ARID1B: variants seen among roughly 807,000 people sequenced by gnomAD.
The protein encoded by ARID1B is AT-rich interaction domain 1B.
ARID1B carries 30 observed loss-of-function variants against 212.3 expected under a neutral mutation model. That is an observed-to-expected ratio of 0.14 (90% CI 0.11 to 0.19). The LOEUF is 0.19. Among genes scored for constraint, ARID1B ranks in the 10% least tolerant of loss-of-function variants. ARID1B has a pLI of 1.00. For missense variants in ARID1B, 2,891 were observed against 3,204.0 expected (o/e 0.90, Z 2.36); for synonymous variants, 1,402 against 1,301.7 (o/e 1.08, Z -1.66).
Position 156,864,230 on chromosome 6 carries a change from C to A in ARID1B, c.1986+34809C>A, listed in dbSNP as rs546807566. ...AGGGTATACTGGGAATTGTAGTTTT[C>A]CACTTCTTTGTATTCTGAAGATTAA... On this transcript the variant is annotated intron_variant, in intron 2 of 19. Transcript: ENST00000636930. Among the ~76,000 whole-genome samples, 5 of 152,212 alleles carry A rather than the reference C, an allele frequency of 3.3e-5. No individual in the cohort carries two copies. In the East Asian group the frequency reaches 9.7e-4, roughly 29 times the overall value.
intron 4 of ARID1B, among the ~76,000 whole-genome samples, chr6:157,018,519 AT>A (rs1393001993): frequency 1.3e-5 from 2 of 152,010 alleles, no homozygotes; most frequent in Non-Finnish European, 2.9e-5. Flanking sequence ...CGGCATAACT[AT>A]TTCCTTTTTA....
At chr6:157,064,763 C>G (rs957083016) in intron 4 of ARID1B, among the ~76,000 whole-genome samples, 2 of 152,306 alleles carry the variant, frequency 1.3e-5, no homozygotes, top group East Asian at 3.9e-4. Flanking sequence ...CCCCAGGCTC[C>G]GGCCTCTGCC....
intron 8 of ARID1B, among the ~76,000 whole-genome samples, chr6:157,153,926 C>CTGTAAA (rs1316312603): frequency 6.6e-6 from 1 of 152,138 alleles, no homozygotes; most frequent in Non-Finnish European, 1.5e-5. Context: ...AGGCGTGAGC[C>CTGTAAA]ACCACTCCTG....
At chr6:156,903,691 T>C (rs62434276) in intron 3 of ARID1B, among the ~76,000 whole-genome samples, 7,655 of 152,314 alleles carry the variant, frequency 0.05, 236 homozygotes, top group Middle Eastern at 0.12. Flanking sequence ...ATTAAAGTAT[T>C]ATCAAAATCA....
chr6:156,838,732 T>TAATAATAATAATAATAATAAA (rs1229798384), intron 2 of ARID1B, among the ~76,000 whole-genome samples: 3 of 149,244 alleles, frequency 2.0e-5, no homozygotes, highest in East Asian at 2.0e-4. Flanking sequence ...ATAATAATAA[T>TAATAATAATAATAATAATAAA]AAACAAAAAA....
At chr6:156,846,381 G>A (rs1335003655) in intron 2 of ARID1B, among the ~76,000 whole-genome samples, 1 of 151,024 alleles carries the variant, frequency 6.6e-6, no homozygotes, top group African/African-American at 2.4e-5. Flanking sequence ...TGGCCAGGCT[G>A]GTCTCAAACT....
intron 16 of ARID1B, among the ~76,000 whole-genome samples, chr6:157,196,703 CCCTT>C (rs2128359516): frequency 6.6e-6 from 1 of 152,326 alleles, no homozygotes; most frequent in East Asian, 1.9e-4. Context: ...TCCCCTCCCT[CCCTT>C]CTTTCTGTCT....
At chr6:157,004,981 C>T (rs767789966) in intron 4 of ARID1B, among the ~76,000 whole-genome samples, 2 of 135,598 alleles carry the variant, frequency 1.5e-5, no homozygotes, top group Non-Finnish European at 3.1e-5. Context: ...GGCGTAATCC[C>T]GACTCACTGC....
rs971809065 is a variant in ARID1B, at chr6:157,200,455, C to CT, written c.4480-240dup. 2.4e-4 allele frequency among the ~76,000 whole-genome samples: 35 copies of CT among 148,132 alleles called. No homozygotes were observed. The highest frequency in any genetic ancestry group is 5.7e-4 in the African/African-American group (23 of 40,426). On this transcript the variant is annotated intron_variant, in intron 17 of 19. Coordinates refer to ENST00000636930, the MANE Select transcript of ARID1B (RefSeq NM_001374828.1). This position sits in a 1 kb window ranked among gnomAD's most constrained non-coding sequence, Gnocchi z 4.3. ...GGTGGCACAGCCTAAGGAGAGGAGG[C>CT]TTTTTTTTTTCCACAGGAAGTTTCA... is the stretch of plus-strand genomic sequence containing the variant.
At chr6:156,829,594 G>A in intron 2 of ARID1B, 173 bp downstream of exon 2, 1 of 751,528 alleles carries the variant, frequency 1.3e-6, no homozygotes. Context: ...TTTAAAGATG[G>A]AAAGGTGAGC....
At chr6:157,035,082 G>A (rs1347768161) in intron 4 of ARID1B, among the ~76,000 whole-genome samples, 2 of 152,072 alleles carry the variant, frequency 1.3e-5, no homozygotes, top group Non-Finnish European at 2.9e-5. Context: ...AATTTCACAC[G>A]AAAGCTTTGA....
chr6:156,880,739 CAAAAAAAA>C (rs141153792), intron 2 of ARID1B, among the ~76,000 whole-genome samples: 5 of 86,994 alleles, frequency 5.7e-5, no homozygotes, highest in Non-Finnish European at 1.0e-4. Flanking sequence ...GACTCTGTCT[CAAAAAAAA>C]AAAAAAAAAA....
At chr6:157,064,364 C>T (rs916160724) in intron 4 of ARID1B, among the ~76,000 whole-genome samples, 4 of 152,166 alleles carry the variant, frequency 2.6e-5, no homozygotes, top group South Asian at 2.1e-4. Context: ...CTCCAGAACG[C>T]ATGTTTAGCT....
intron 1 of ARID1B, among the ~76,000 whole-genome samples, chr6:156,789,351 C>T (rs899263865): frequency 2.0e-5 from 3 of 152,100 alleles, no homozygotes; most frequent in South Asian, 2.1e-4. Context: ...GAACTGTGTG[C>T]GTCAGGGCTT....
rs1343214890 is a variant in ARID1B, at chr6:157,209,038, A to G, written c.*1147A>G. The G allele has an allele frequency of 4.3e-6, 1 of 230,238 alleles. No individual in the cohort carries two copies. The highest frequency in any genetic ancestry group is 6.2e-5 in the East Asian group (1 of 16,138). 14.3% of individuals were successfully genotyped at this position (230,238 alleles called of 1,614,324 possible). Reference sequence around the variant, plus strand: ...TACCAGTACAGTCAAAAAAGAGAAAATGAAAAAAATACAACTAAAAGGAAG... The same window carrying G: ...TACCAGTACAGTCAAAAAAGAGAAAGTGAAAAAAATACAACTAAAAGGAAG... On this transcript the variant is annotated 3_prime_UTR_variant, in exon 20 of 20. Coordinates refer to ENST00000636930, the MANE Select transcript of ARID1B (RefSeq NM_001374828.1).
At chr6:156,894,293 T>TTGGGATGGGGGCCGGGGGGGC (rs1562465775) in intron 2 of ARID1B, among the ~76,000 whole-genome samples, 2 of 85,352 alleles carry the variant, frequency 2.3e-5, no homozygotes, top group African/African-American at 4.8e-5. Flanking sequence ...GGCCGGGGGG[T>TTGGGATGGGGGCCGGGGGGGC]TGGGATGGGG....
At chr6:157,143,965 G>A (rs1789547292) in intron 7 of ARID1B, among the ~76,000 whole-genome samples, 1 of 152,190 alleles carries the variant, frequency 6.6e-6, no homozygotes, top group Non-Finnish European at 1.5e-5. Context: ...AAGCACAAGT[G>A]CACACACGCG....
intron 2 of ARID1B, among the ~76,000 whole-genome samples, chr6:156,850,103 G>A (rs566896140): frequency 6.6e-6 from 1 of 150,460 alleles, no homozygotes; most frequent in Non-Finnish European, 1.5e-5. Context: ...TGGCTTGCAC[G>A]TATTTAAGGT....
chr6:156,796,867 G>A (rs540867554), intron 1 of ARID1B, among the ~76,000 whole-genome samples: 40 of 151,644 alleles, frequency 2.6e-4, no homozygotes, highest in Non-Finnish European at 5.6e-4. Flanking sequence ...CCAGAGCCTG[G>A]GGCCTCTGAG....
Sources: allele counts gnomAD v4.1 joint callset (sites outside exome capture counted in the v4.1 genomes callset), GRCh38; gene constraint gnomAD v4.1.1; non-coding constraint Gnocchi (gnomAD v3.1); transcripts MANE v1.5; gene names NCBI Gene and HGNC (gene_info 2026-07-23, HGNC 2026-07-21).